UNC79: variants seen among roughly 807,000 people sequenced by gnomAD.
UNC79 encodes protein unc-79 homolog.
In UNC79, 37 loss-of-function variants were observed where a neutral mutation model predicts 283.1. That is an observed-to-expected ratio of 0.13 (90% CI 0.10 to 0.17). The LOEUF (loss-of-function observed/expected upper bound fraction) is 0.17. Ranked by LOEUF, UNC79 falls within the 10% of genes least tolerant of loss-of-function variation. The pLI is 1.00. For missense variants in UNC79, 2,272 were observed against 3,211.1 expected (o/e 0.71, Z 7.07); for synonymous variants, 1,107 against 1,200.2 (o/e 0.92, Z 1.61).
At chr14:93,365,384 C>CAAAA (rs34673069) in intron 1 of UNC79, among the ~76,000 whole-genome samples, 2 of 108,238 alleles carry the variant, frequency 1.8e-5, no homozygotes, top group African/African-American at 3.4e-5. Flanking sequence ...TACTCCATCT[C>CAAAA]AAAAAAAAAA....
chr14:93,404,511 T>A lies in UNC79; in HGVS notation c.-350-63160T>A, dbSNP rs865968959. ...TAAAAAAAATATATATATATATATA[T>A]ATAAATATATACATATTATATATTA... is the stretch of plus-strand genomic sequence containing the variant. On this transcript the variant is annotated intron_variant, in intron 1 of 49. Transcript: ENST00000256339. 2.4e-3 allele frequency among the ~76,000 whole-genome samples: 283 copies of A among 117,152 alleles called. 10 individuals carry two copies. The highest frequency in any genetic ancestry group is 8.0e-3 in the African/African-American group (260 of 32,334). 76.9% of individuals were successfully genotyped at this position (117,152 alleles called of 152,430 possible). A position where few individuals can be genotyped will look rare whatever the true frequency, so the allele number is the denominator to read the frequency against.
At chr14:93,346,090 A>C (rs2053821819) in intron 1 of UNC79, among the ~76,000 whole-genome samples, 1 of 151,946 alleles carries the variant, frequency 6.6e-6, no homozygotes, top group Non-Finnish European at 1.5e-5. Flanking sequence ...CAATATATAT[A>C]TATTTTGATT....
intron 30 of UNC79, among the ~76,000 whole-genome samples, chr14:93,628,956 T>C (rs2067796615): frequency 6.6e-6 from 1 of 152,146 alleles, no homozygotes; most frequent in Admixed American, 6.5e-5. Flanking sequence ...CCGAGCACTT[T>C]GGGAGGCCAA....
At chr14:93,391,148 G>A (rs969583248) in intron 1 of UNC79, among the ~76,000 whole-genome samples, 7 of 152,122 alleles carry the variant, frequency 4.6e-5, no homozygotes, top group African/African-American at 1.7e-4. Context: ...CAGAAAGAGA[G>A]CCAAGATATG....
At position 93,464,403 on chromosome 14, in the gene UNC79, G is replaced by A. The variant is rs1015810401; in HGVS notation, c.23-3268G>A. 3.6e-5 allele frequency: 13 copies of A among 365,030 alleles called. 1 individual carries two copies. Among genetic ancestry groups the A allele is most frequent in the South Asian group, 2.7e-4 (13 of 47,606 alleles). 22.6% of individuals were successfully genotyped at this position (365,030 alleles called of 1,614,324 possible). On this transcript the variant is annotated intron_variant, in intron 1 of 48. Transcript: ENST00000555664. ...TTTCCTCTGTGTTCCCACATTTCTG[G>A]TATCTCTTATGTGTCCTAATCTCCT...
At chr14:93,655,103 T>C in intron 37 of UNC79, 131 bp from the exon 41 acceptor site, 1 of 865,954 alleles carries the variant, frequency 1.2e-6, no homozygotes, top group East Asian at 2.6e-5. Context: ...ATCACAGGGA[T>C]TGGCCTATGT....
chr14:93,586,835 G>A lies in UNC79; in HGVS notation c.2959G>A (p.Glu987Lys), dbSNP rs1242451031. 3 of 1,614,048 alleles carry A rather than the reference G, an allele frequency of 1.9e-6. No homozygotes were observed. In the South Asian group the frequency reaches 3.3e-5, roughly 18 times the overall value. Residue 987 changes from glutamate to lysine, a missense_variant, in exon 22 of 49, where the codon GAA becomes AAA. Physicochemically the swap from Glu to Lys is moderately conservative, Grantham distance 56 (BLOSUM62 1). Transcript: ENST00000555664. ...CCTGAAGATTCTCTGTCTGCATGGA[G>A]AATGTTTATACATTGCCAGAAAAGA... is the stretch of plus-strand genomic sequence containing the variant.
chr14:93,498,219 A>T (rs2059111069), intron 7 of UNC79, among the ~76,000 whole-genome samples: 1 of 151,768 alleles, frequency 6.6e-6, no homozygotes. Flanking sequence ...ATGAGCCAAG[A>T]TTGTGCCACT....
intron 31 of UNC79, among the ~76,000 whole-genome samples, chr14:93,631,435 C>G (rs1189521424): frequency 6.6e-6 from 1 of 151,942 alleles, no homozygotes; most frequent in Non-Finnish European, 1.5e-5. Flanking sequence ...CTGTAGGAGG[C>G]GAGTATTTTG....
chr14:93,403,265 G>A (rs1308158105), intron 1 of UNC79, among the ~76,000 whole-genome samples: 1 of 152,194 alleles, frequency 6.6e-6, no homozygotes, highest in African/African-American at 2.4e-5. Context: ...ATGACTTTGA[G>A]TTCTGTCCTT....
At chr14:93,567,255 C>T (rs1188619883) in intron 14 of UNC79, among the ~76,000 whole-genome samples, 2 of 152,150 alleles carry the variant, frequency 1.3e-5, no homozygotes, top group African/African-American at 2.4e-5. Context: ...GACGGAATTT[C>T]ATTCTTGTTG....
At chr14:93,388,707 A>G (rs969522945) in intron 1 of UNC79, among the ~76,000 whole-genome samples, 15 of 152,326 alleles carry the variant, frequency 9.8e-5, no homozygotes, top group Admixed American at 3.3e-4. Context: ...TCCTGGAGGA[A>G]GCAGTTTTTT....
chr14:93,618,224 C>T (rs1566787546), exon 29 of UNC79: 1 of 1,613,694 alleles, frequency 6.2e-7, no homozygotes, highest in South Asian at 1.1e-5. Context: ...TCAGCAAGAT[C>T]CTGCTGCATC....
intron 1 of UNC79, among the ~76,000 whole-genome samples, chr14:93,367,115 C>A (rs2054351859): frequency 6.6e-6 from 1 of 152,144 alleles, no homozygotes; most frequent in Non-Finnish European, 1.5e-5. Flanking sequence ...TTCTCCATTT[C>A]TTTCCTATTA....
At chr14:93,530,458 A>G (rs998567553) in intron 10 of UNC79, among the ~76,000 whole-genome samples, 3 of 151,846 alleles carry the variant, frequency 2.0e-5, no homozygotes, top group Non-Finnish European at 4.4e-5. Flanking sequence ...GAGAGAAAAA[A>G]CAATTTAGCC....
chr14:93,612,597 A>T (rs565666812), intron 26 of UNC79, among the ~76,000 whole-genome samples, 200 bp from the exon 28 acceptor site: 3 of 152,312 alleles, frequency 2.0e-5, no homozygotes, highest in South Asian at 4.1e-4. Context: ...TTGGTTGTTG[A>T]TGAATACAAT....
intron 40 of UNC79, among the ~76,000 whole-genome samples, chr14:93,671,539 G>A (rs1164394206): frequency 6.6e-6 from 1 of 152,236 alleles, no homozygotes; most frequent in South Asian, 2.1e-4. Flanking sequence ...TTCGGAGGCC[G>A]AGGCAGGTGG....
intron 32 of UNC79, among the ~76,000 whole-genome samples, chr14:93,638,092 C>G (rs1429067829): frequency 6.6e-6 from 1 of 152,078 alleles, no homozygotes. Context: ...TACCTTTGTT[C>G]TTTTTTAATT....
intron 14 of UNC79, among the ~76,000 whole-genome samples, chr14:93,546,248 G>T (rs922072408): frequency 7.9e-5 from 12 of 152,112 alleles, no homozygotes; most frequent in African/African-American, 2.7e-4. Context: ...TCTTTAGAAA[G>T]GCATTTGAAT....
Sources: allele counts gnomAD v4.1 joint callset (sites outside exome capture counted in the v4.1 genomes callset), GRCh38; gene constraint gnomAD v4.1.1; transcripts MANE v1.5; gene names NCBI Gene and HGNC (gene_info 2026-07-23, HGNC 2026-07-21).